ATXN1: variants seen among roughly 807,000 people sequenced by gnomAD.
The protein encoded by ATXN1 is ataxin-1.
In ATXN1, 8 loss-of-function variants were observed where a neutral mutation model predicts 56.4. The observed-to-expected ratio is 0.14, with a 90% CI of 0.08 to 0.26. The LOEUF is 0.26. Ranked by LOEUF, ATXN1 falls within the 10% of genes least tolerant of loss-of-function variation. The pLI is 1.00. For missense variants in ATXN1, 987 were observed against 1,106.5 expected (o/e 0.89, Z 1.53); for synonymous variants, 514 against 494.6 (o/e 1.04, Z -0.52).
intron 6 of ATXN1, among the ~76,000 whole-genome samples, chr6:16,469,748 G>A (rs1760179751): frequency 6.6e-6 from 1 of 152,172 alleles, no homozygotes; most frequent in South Asian, 2.1e-4. Context: ...CAGATCACCT[G>A]AGGTCAGGAA....
At chr6:16,450,316 ATG>A (rs897807466) in intron 6 of ATXN1, among the ~76,000 whole-genome samples, 3 of 53,290 alleles carry the variant, frequency 5.6e-5, no homozygotes, top group Non-Finnish European at 9.3e-5. Context: ...TCTTTTTCAC[ATG>A]TTTGGGAGCA....
intron 2 of ATXN1, among the ~76,000 whole-genome samples, chr6:16,700,544 C>T (rs1278545341): frequency 1.3e-5 from 2 of 152,090 alleles, no homozygotes; most frequent in South Asian, 2.1e-4. Flanking sequence ...GAGATAGCTG[C>T]TGAATCCTGG....
At chr6:16,421,716 G>A (rs1406619346) in intron 6 of ATXN1, among the ~76,000 whole-genome samples, 4 of 151,364 alleles carry the variant, frequency 2.6e-5, no homozygotes, top group Non-Finnish European at 5.9e-5. Context: ...ATGCAAATAG[G>A]TGTGCAGAAG....
chr6:16,323,934 T>C (rs1760743825), intron 7 of ATXN1, among the ~76,000 whole-genome samples: 2 of 148,848 alleles, frequency 1.3e-5, no homozygotes, highest in South Asian at 4.2e-4. Context: ...CCTGATTTTC[T>C]TTTTTTTTTA....
intron 6 of ATXN1, among the ~76,000 whole-genome samples, chr6:16,379,368 T>C (rs1390852890): frequency 1.3e-5 from 2 of 152,186 alleles, no homozygotes; most frequent in African/African-American, 2.4e-5. Flanking sequence ...AAAGAACTTA[T>C]GTAACCAAAT....
At chr6:16,758,391 T>A (rs1236194653) in intron 1 of ATXN1, among the ~76,000 whole-genome samples, 1 of 152,222 alleles carries the variant, frequency 6.6e-6, no homozygotes, top group Admixed American at 6.5e-5. Context: ...TACTTGTTGA[T>A]CTGTTCACAA....
In ATXN1 at chr6:16,396,153, C is replaced by T. The variant is rs188357697; in HGVS notation, c.-160-67683G>A. ...CATGGTATTGCCTCTGAAGACCTTA[C>T]AGATGGAAAAGATAAGGAGGTAGAA... is the stretch of plus-strand genomic sequence containing the variant. On this transcript the variant is annotated intron_variant, in intron 6 of 7. Coordinates refer to ENST00000436367, the MANE Select transcript of ATXN1 (RefSeq NM_001128164.2). Among the ~76,000 whole-genome samples, 10 of 150,926 alleles carry T rather than the reference C, an allele frequency of 6.6e-5. No homozygotes were observed. In the East Asian group the frequency reaches 1.8e-3, roughly 27 times the overall value.
chr6:16,616,489 G>A (rs944907197), intron 3 of ATXN1, among the ~76,000 whole-genome samples: 1 of 148,616 alleles, frequency 6.7e-6, no homozygotes, highest in African/African-American at 2.5e-5. Flanking sequence ...GCAGGGAGCT[G>A]AGATCATGCC....
chr6:16,726,279 C>G (rs1264426441), intron 2 of ATXN1, among the ~76,000 whole-genome samples: 1 of 150,768 alleles, frequency 6.6e-6, no homozygotes, highest in Non-Finnish European at 1.5e-5. Flanking sequence ...ACACAGGTGG[C>G]TGAGGCAAGA....
chr6:16,670,052 C>T (rs1373313300), intron 2 of ATXN1, among the ~76,000 whole-genome samples: 2 of 152,092 alleles, frequency 1.3e-5, no homozygotes, highest in Non-Finnish European at 2.9e-5. Flanking sequence ...TGGGTCTGGT[C>T]ACTTCTGTGG....
chr6:16,391,679 C>A (rs1215434982), intron 6 of ATXN1, among the ~76,000 whole-genome samples: 1 of 152,164 alleles, frequency 6.6e-6, no homozygotes, highest in Non-Finnish European at 1.5e-5. Context: ...AGGAAGAATG[C>A]TGGCTCTGGA....
At chr6:16,483,131 C>A (rs963637022) in intron 6 of ATXN1, among the ~76,000 whole-genome samples, 1 of 152,012 alleles carries the variant, frequency 6.6e-6, no homozygotes, top group African/African-American at 2.4e-5. Context: ...ACAAGATCCC[C>A]CCTCCCCCCA....
intron 2 of ATXN1, among the ~76,000 whole-genome samples, chr6:16,693,811 G>GAGTA (rs1759099578): frequency 6.6e-6 from 1 of 152,166 alleles, no homozygotes; most frequent in Non-Finnish European, 1.5e-5. Context: ...AAAGCACAGA[G>GAGTA]AGTAAGTCAC....
chr6:16,704,354 T>A (rs148045068), intron 2 of ATXN1, among the ~76,000 whole-genome samples: 2 of 152,088 alleles, frequency 1.3e-5, no homozygotes, highest in Admixed American at 1.3e-4. Flanking sequence ...TGACTGTCGG[T>A]CTACAGAATC....
chr6:16,657,383 CA>C (rs1758228837), intron 3 of ATXN1, among the ~76,000 whole-genome samples: 1 of 152,280 alleles, frequency 6.6e-6, no homozygotes, highest in East Asian at 1.9e-4. Flanking sequence ...TCACAAGACG[CA>C]AAAAACTTGC....
chr6:16,657,659 G>A (rs976888608), intron 3 of ATXN1, 117 bp downstream of exon 3: 3 of 152,216 alleles, frequency 2.0e-5, no homozygotes, highest in African/African-American at 7.2e-5. Flanking sequence ...CAAATGTCCT[G>A]TTATTTAGGA....
intron 6 of ATXN1, among the ~76,000 whole-genome samples, chr6:16,473,471 G>C (rs1414968678): frequency 2.0e-5 from 3 of 152,202 alleles, no homozygotes; most frequent in African/African-American, 4.8e-5. Flanking sequence ...TCCGAGGTCA[G>C]AGAAGCATTT....
intron 2 of ATXN1, among the ~76,000 whole-genome samples, chr6:16,731,448 T>C (rs1364695317): frequency 1.5e-5 from 2 of 131,030 alleles, no homozygotes; most frequent in African/African-American, 3.2e-5. Context: ...GCTTTTTTTT[T>C]CTTTTCTTTT....
intron 2 of ATXN1, among the ~76,000 whole-genome samples, chr6:16,673,329 A>C (rs1758586926): frequency 6.6e-6 from 1 of 152,204 alleles, no homozygotes; most frequent in South Asian, 2.1e-4. Flanking sequence ...TACCAAACAC[A>C]TAAAGACAGA....
Sources: gnomAD v4.1 joint callset for allele counts (sites outside exome capture counted in the v4.1 genomes callset) on GRCh38, gnomAD v4.1.1 for gene constraint, MANE v1.5 for transcripts, NCBI Gene and HGNC (gene_info 2026-07-23, HGNC 2026-07-21) for gene names.